Variants in ENTPD4 observed in about 807,000 individuals in gnomAD.
ENTPD4 encodes the protein ectonucleoside triphosphate diphosphohydrolase 4, also known as Golgi UDPase.
In ENTPD4, 60 loss-of-function variants were observed where a neutral mutation model predicts 79.1. That is an observed-to-expected ratio of 0.76 (90% CI 0.62 to 0.94). ENTPD4 has a LOEUF of 0.94. ENTPD4 is among the 40% of genes least tolerant of loss of function. The pLI is 0.00. For missense variants in ENTPD4, 772 were observed against 775.1 expected (o/e 1.00, Z 0.05); for synonymous variants, 276 against 292.0 (o/e 0.95, Z 0.56).
At chr8:23,456,492 TG>T (rs1800961034) in intron 1 of ENTPD4, among the ~76,000 whole-genome samples, 1 of 152,214 alleles carries the variant, frequency 6.6e-6, no homozygotes, top group African/African-American at 2.4e-5. Flanking sequence ...CTTAGATAAA[TG>T]TTCATTTTTG....
At position 23,431,415 on chromosome 8, in the gene ENTPD4, G is replaced by A. The variant is rs1800451656; in HGVS notation, c.*1511C>T. 2.0e-6 allele frequency: 2 copies of A among 985,240 alleles called. No individual in the cohort carries two copies. The highest frequency in any genetic ancestry group is 2.4e-6 in the Non-Finnish European group (2 of 829,900). 61.0% of individuals were successfully genotyped at this position (985,240 alleles called of 1,614,324 possible). A position where few individuals can be genotyped will look rare whatever the true frequency, so the allele number is the denominator to read the frequency against. Reference sequence around the variant, plus strand: ...CAAACTCCACCTAAAAAAACTGTACGAGAATTCCCCAAACTTCTCAACTAA... The same window carrying A: ...CAAACTCCACCTAAAAAAACTGTACAAGAATTCCCCAAACTTCTCAACTAA... On this transcript the variant is annotated 3_prime_UTR_variant, in exon 13 of 13. Coordinates refer to ENST00000358689, the MANE Select transcript of ENTPD4 (RefSeq NM_004901.5).
Position 23,433,113 on chromosome 8 carries a change from C to CAGTGG in ENTPD4, c.1659_1663dup (p.Trp555SerfsTer139), listed in dbSNP as rs1277195528. 1.2e-6 allele frequency: 2 copies of CAGTGG among 1,614,076 alleles called. No individual in the cohort carries two copies. Among genetic ancestry groups the CAGTGG allele is most frequent in the African/African-American group, 2.7e-5 (2 of 74,936 alleles). On this transcript the variant is annotated frameshift_variant, in exon 13 of 13. Transcript: ENST00000358689. LOFTEE classifies it high-confidence loss of function. ...GTTGTAGACAAAGGAAACGCCCCGCCAGTGGGTGTGACTGGCTCGGAAGGC... is the reference window on the plus strand; with the variant it reads ...GTTGTAGACAAAGGAAACGCCCCGCCAGTGGAGTGGGTGTGACTGGCTCGGAAGGC...
rs377657637 is a variant in ENTPD4, at chr8:23,441,582, G to C, written c.869C>G (p.Ala290Gly). Residue 290 changes from alanine (A) to glycine (G), a missense_variant, in exon 8 of 13, where the codon GCG becomes GGG. Ala to Gly is a moderately conservative substitution (Grantham distance 60). Coordinates refer to ENST00000358689, the MANE Select transcript of ENTPD4 (RefSeq NM_004901.5). ...AYEVPKTVSF[A>G]SSQQEEVAKN... Reference sequence around the variant, plus strand: ...ACAGATAATGACCTGCTGTGAGGACGCAAAGCTTACAGTTTTGGGGACTTC... The same window carrying C: ...ACAGATAATGACCTGCTGTGAGGACCCAAAGCTTACAGTTTTGGGGACTTC... 8 of 1,614,056 alleles carry C rather than the reference G, an allele frequency of 5.0e-6. No homozygotes were observed. Among genetic ancestry groups the C allele is most frequent in the Middle Eastern group, 3.3e-4 (2 of 6,062 alleles).
intron 5 of ENTPD4, 146 bp downstream of exon 5, chr8:23,444,310 T>C (rs1487059899): frequency 1.4e-5 from 10 of 729,532 alleles, no homozygotes; most frequent in Admixed American, 8.4e-5. Context: ...GTTCTGGTAC[T>C]GTTACAGACT....
intron 7 of ENTPD4, 116 bp from the exon 8 acceptor site, chr8:23,441,839 A>T: frequency 1.6e-6 from 2 of 1,230,710 alleles, no homozygotes; most frequent in Non-Finnish European, 2.3e-6. Context: ...AACCCAGTCT[A>T]CTCCTCCCAA....
Position 23,430,451 on chromosome 8 carries a change from G to A in ENTPD4, c.*2475C>T. ...AATGGAAACTACATTCCTGATTTAA[G>A]AGGATGCTTCTGTCTGTATCCTTTT... On this transcript the variant is annotated 3_prime_UTR_variant, in exon 13 of 13. Coordinates refer to ENST00000358689, the MANE Select transcript of ENTPD4 (RefSeq NM_004901.5). 1 of 985,450 alleles carries A rather than the reference G, an allele frequency of 1.0e-6. No individual in the cohort carries two copies. Among genetic ancestry groups the A allele is most frequent in the Non-Finnish European group, 1.2e-6 (1 of 829,926 alleles). The allele number at this position is 985,450 out of a possible 1,614,324, so 61.0% of individuals were successfully genotyped here.
rs565085663 is a variant in ENTPD4 at position 23,431,027 on chromosome 8, G to A, written c.*1899C>T. 1,810 of 955,500 alleles carry A rather than the reference G, an allele frequency of 1.9e-3. 2 individuals are homozygous for A. Among genetic ancestry groups the A allele is most frequent in the South Asian group, 4.0e-3 (82 of 20,692 alleles). 59.2% of individuals were successfully genotyped at this position (955,500 alleles called of 1,614,324 possible). ...TAACACGCTTTGAAATCCAGGTGAGGGAGCCATGCCCCCACAGCTCTTGCC... is the reference window on the plus strand; with the variant it reads ...TAACACGCTTTGAAATCCAGGTGAGAGAGCCATGCCCCCACAGCTCTTGCC... On this transcript the variant is annotated 3_prime_UTR_variant, in exon 13 of 13. Coordinates refer to ENST00000358689, the MANE Select transcript of ENTPD4 (RefSeq NM_004901.5).
At chr8:23,451,224 G>A (rs558342733) in intron 1 of ENTPD4, among the ~76,000 whole-genome samples, 18 of 152,098 alleles carry the variant, frequency 1.2e-4, no homozygotes, top group African/African-American at 3.9e-4. Flanking sequence ...GTTTCGCCAC[G>A]TTGGCCAGGC....
chr8:23,434,208 C>A (rs1800512865), intron 12 of ENTPD4, 109 bp downstream of exon 12: 2 of 1,423,690 alleles, frequency 1.4e-6, no homozygotes, highest in Non-Finnish European at 1.9e-6. Flanking sequence ...TCTGCCGTGG[C>A]CGGCTCTAAC....
chr8:23,452,564 A>G (rs1800884108), intron 1 of ENTPD4, among the ~76,000 whole-genome samples: 1 of 152,234 alleles, frequency 6.6e-6, no homozygotes. Flanking sequence ...GAAGTGCTTA[A>G]TAGCCACATA....
chr8:23,434,819 G>C, intron 11 of ENTPD4: 1 of 568,464 alleles, frequency 1.8e-6, no homozygotes, highest in Non-Finnish European at 2.4e-6. Flanking sequence ...TTGTACCTCA[G>C]TTTATTATAA....
intron 2 of ENTPD4, 93 bp from the exon 3 acceptor site, chr8:23,449,032 C>T: frequency 9.6e-7 from 1 of 1,046,348 alleles, no homozygotes; most frequent in Non-Finnish European, 1.4e-6. Context: ...TTGGCTTGAG[C>T]TACCTGGATT....
At chr8:23,444,126 A>T (rs1800722131) in intron 5 of ENTPD4, among the ~76,000 whole-genome samples, 173 bp from the exon 6 acceptor site, 1 of 127,642 alleles carries the variant, frequency 7.8e-6, no homozygotes, top group Non-Finnish European at 1.6e-5. Context: ...ATTAGGAATG[A>T]ATTTTCAAAA....
chr8:23,439,738 A>G lies in ENTPD4; in HGVS notation c.1049+11T>C. On this transcript the variant is annotated intron_variant, in intron 9 of 12. Transcript: ENST00000358689. ...TTGCAAATGACTGCCAAGTAGTGAA[A>G]GGTGCTTTACCTGTTCTTTTGAATG... The G allele has an allele frequency of 6.2e-7, 1 of 1,613,410 alleles. No homozygotes were observed. The highest frequency in any genetic ancestry group is 1.1e-5 in the South Asian group (1 of 91,026).
intron 4 of ENTPD4, among the ~76,000 whole-genome samples, chr8:23,446,468 G>A (rs896656081): frequency 2.6e-5 from 4 of 152,176 alleles, no homozygotes; most frequent in African/African-American, 9.7e-5. Context: ...TTAAGGGGTA[G>A]AAATACATAA....
intron 3 of ENTPD4, 41 bp from the exon 4 acceptor site, chr8:23,447,926 A>C: frequency 6.5e-7 from 1 of 1,527,918 alleles, no homozygotes; most frequent in Non-Finnish European, 9.1e-7. Context: ...TAGACAAAGA[A>C]TATCACCTGA....
chr8:23,455,304 G>C (rs1226763340), intron 1 of ENTPD4, among the ~76,000 whole-genome samples: 1 of 152,206 alleles, frequency 6.6e-6, no homozygotes, highest in Non-Finnish European at 1.5e-5. Flanking sequence ...AATAAGCAAA[G>C]GTACCACAGG....
rs1800670741 is a variant in ENTPD4, at chr8:23,441,561, A to G, written c.882+8T>C. 6.2e-7 allele frequency: 1 copy of G among 1,613,404 alleles called. No individual in the cohort carries two copies. The highest frequency in any genetic ancestry group is 8.5e-7 in the Non-Finnish European group (1 of 1,179,706). ...ACCAAACAGAAGGAAATTTGTACAGATAATGACCTGCTGTGAGGACGCAAA... is the reference window on the plus strand; with the variant it reads ...ACCAAACAGAAGGAAATTTGTACAGGTAATGACCTGCTGTGAGGACGCAAA... On this transcript the variant is annotated splice_region_variant and intron_variant, in intron 8 of 12. Coordinates refer to ENST00000358689, the MANE Select transcript of ENTPD4 (RefSeq NM_004901.5).
intron 10 of ENTPD4, among the ~76,000 whole-genome samples, chr8:23,436,274 C>T (rs1411196451): frequency 1.3e-5 from 2 of 152,162 alleles, no homozygotes; most frequent in African/African-American, 4.8e-5. Context: ...ACTGATTACA[C>T]TGGGGTGTAT....
Sources: gnomAD v4.1 joint callset for allele counts (sites outside exome capture counted in the v4.1 genomes callset) on GRCh38, gnomAD v4.1.1 for gene constraint, MANE v1.5 for transcripts, NCBI Gene and HGNC (gene_info 2026-07-23, HGNC 2026-07-21) for gene names.